KCNJ1: variants seen among roughly 807,000 people sequenced by gnomAD.
KCNJ1 encodes the protein potassium inwardly rectifying channel subfamily J member 1, also known as ATP-sensitive inward rectifier potassium channel 1.
KCNJ1 carries 24 observed loss-of-function variants against 21.9 expected under a neutral mutation model. The ratio of observed to expected loss-of-function variants is 1.10; its 90% CI spans 0.79 to 1.54. The LOEUF (loss-of-function observed/expected upper bound fraction) is 1.54. Among genes scored for constraint, KCNJ1 ranks in the 40% most tolerant of loss-of-function variants. The pLI is 0.00. For missense variants in KCNJ1, 457 were observed against 455.4 expected (o/e 1.00, Z -0.03); for synonymous variants, 152 against 160.9 (o/e 0.94, Z 0.42).
intron 1 of KCNJ1, among the ~76,000 whole-genome samples, chr11:128,859,973 G>T (rs762498195): frequency 3.9e-5 from 6 of 152,222 alleles, no homozygotes; most frequent in African/African-American, 1.4e-4. Context: ...GAGGAGGCGC[G>T]GCAAGGCCCA....
chr11:128,862,813 C>A (rs1304103642), intron 1 of KCNJ1, among the ~76,000 whole-genome samples: 1 of 152,228 alleles, frequency 6.6e-6, no homozygotes, highest in South Asian at 2.1e-4. Flanking sequence ...TCCAACACTT[C>A]CCTTAACAGC....
At chr11:128,848,116 G>A (rs1157550203) in intron 2 of KCNJ1, among the ~76,000 whole-genome samples, 4 of 151,806 alleles carry the variant, frequency 2.6e-5, no homozygotes, top group East Asian at 1.9e-4. Context: ...GTGAAACTCC[G>A]TCTCTACTAA....
intron 2 of KCNJ1, among the ~76,000 whole-genome samples, chr11:128,843,703 C>T (rs1943329321): frequency 6.6e-6 from 1 of 152,158 alleles, no homozygotes. Flanking sequence ...AGCTGGGGAT[C>T]CACCCTTTCT....
At chr11:128,846,410 AG>A (rs1591409876) in intron 2 of KCNJ1, among the ~76,000 whole-genome samples, 2 of 152,238 alleles carry the variant, frequency 1.3e-5, no homozygotes, top group East Asian at 3.9e-4. Context: ...CAGTTTAATC[AG>A]GGGTCACTGG....
chr11:128,858,719 T>C (rs1943640525), intron 1 of KCNJ1, among the ~76,000 whole-genome samples: 1 of 152,214 alleles, frequency 6.6e-6, no homozygotes, highest in African/African-American at 2.4e-5. Context: ...CTCTGTGACA[T>C]AGACAGCATT....
chr11:128,840,476 G>A (rs1274704368), intron 2 of KCNJ1, among the ~76,000 whole-genome samples: 3 of 152,000 alleles, frequency 2.0e-5, no homozygotes, highest in Non-Finnish European at 4.4e-5. Flanking sequence ...AACATAAAGA[G>A]GCAAAATAAT....
chr11:128,852,725 C>T (rs1943498089), intron 1 of KCNJ1, among the ~76,000 whole-genome samples: 1 of 152,260 alleles, frequency 6.6e-6, no homozygotes, highest in African/African-American at 2.4e-5. Context: ...CCCAGGAGCC[C>T]TCTCAGAACA....
At chr11:128,853,630 T>A (rs1273726562) in intron 1 of KCNJ1, among the ~76,000 whole-genome samples, 1 of 152,222 alleles carries the variant, frequency 6.6e-6, no homozygotes, top group Non-Finnish European at 1.5e-5. Flanking sequence ...CTTACACACT[T>A]CAAATTAGTG....
chr11:128,853,886 G>A lies in KCNJ1; in HGVS notation c.-191-2996C>T, dbSNP rs986315391. Among the ~76,000 whole-genome samples the A allele has an allele frequency of 4.6e-5, 7 of 152,314 alleles. No individual in the cohort carries two copies. In the South Asian group the frequency reaches 6.2e-4, roughly 14 times the overall value. ...TCTCTGCCACAAGAGCTTGGAGTACGGAAAGTATTATTCTGCTCACCCTCA... is the reference window on the plus strand; with the variant it reads ...TCTCTGCCACAAGAGCTTGGAGTACAGAAAGTATTATTCTGCTCACCCTCA... On this transcript the variant is annotated intron_variant, in intron 1 of 2. Transcript: ENST00000392666.
chr11:128,847,045 C>G (rs1385210954), intron 2 of KCNJ1, among the ~76,000 whole-genome samples: 1 of 152,152 alleles, frequency 6.6e-6, no homozygotes, highest in Non-Finnish European at 1.5e-5. Flanking sequence ...TTCCCCAGAA[C>G]AGCTTTAGTC....
In KCNJ1 at chr11:128,838,886, G is replaced by A. The variant is rs1943214284; in HGVS notation, c.*239C>T. ...AATAATCATATTTAAGATTTCAAGA[G>A]AGCACCTATGTCTTCCATACACCAG... On this transcript the variant is annotated 3_prime_UTR_variant, in exon 3 of 3. Transcript: ENST00000392666. The A allele has an allele frequency of 1.8e-6, 1 of 548,406 alleles. No individual in the cohort carries two copies. Among genetic ancestry groups the A allele is most frequent in the Non-Finnish European group, 3.2e-6 (1 of 309,286 alleles). 34.0% of individuals were successfully genotyped at this position (548,406 alleles called of 1,614,324 possible).
intron 1 of KCNJ1, among the ~76,000 whole-genome samples, chr11:128,863,998 CTTTGACCTTAAGGTAACTTAAGG>C (rs761072071): frequency 1.2e-4 from 18 of 151,506 alleles, no homozygotes; most frequent in African/African-American, 3.1e-4. Context: ...AAGGAACAAC[CTTTGACCTTAAGGTAACTTAAGG>C]TTTGACCTTA....
At chr11:128,844,712 C>G (rs1943348463) in intron 2 of KCNJ1, among the ~76,000 whole-genome samples, 1 of 152,158 alleles carries the variant, frequency 6.6e-6, no homozygotes, top group African/African-American at 2.4e-5. Context: ...TTTGGGATTT[C>G]TTACAGCACT....
chr11:128,839,145 T>A lies in KCNJ1; in HGVS notation c.1099A>T (p.Thr367Ser). 6.2e-7 allele frequency: 1 copy of A among 1,614,002 alleles called. No individual in the cohort carries two copies. Residue 367 changes from threonine to serine, a missense_variant, in exon 3 of 3, where the codon ACA becomes TCA. Thr to Ser is a moderately conservative substitution (Grantham distance 58, BLOSUM62 1). Coordinates refer to ENST00000392666, the MANE Select transcript of KCNJ1 (RefSeq NM_153766.3). ...PNFILSEVNE[T>S]DDTKM ...CACTGTTACATTTTGGTGTCATCTG[T>A]TTCATTGACTTCTGACAAGATGAAG...
chr11:128,845,024 G>A (rs1943355016), intron 2 of KCNJ1, among the ~76,000 whole-genome samples: 2 of 152,176 alleles, frequency 1.3e-5, no homozygotes, highest in South Asian at 4.1e-4. Context: ...CTTTCTAACC[G>A]TGATGGAGAA....
At chr11:128,860,146 C>A (rs1325600445) in intron 1 of KCNJ1, among the ~76,000 whole-genome samples, 1 of 152,270 alleles carries the variant, frequency 6.6e-6, no homozygotes, top group Non-Finnish European at 1.5e-5. Flanking sequence ...GATTTCTCAT[C>A]TGTCAGATGA....
chr11:128,848,898 C>T (rs1194039345), intron 2 of KCNJ1, among the ~76,000 whole-genome samples: 1 of 152,178 alleles, frequency 6.6e-6, no homozygotes, highest in Non-Finnish European at 1.5e-5. Context: ...AAGGCTGGGG[C>T]TGATAACAGT....
chr11:128,847,685 C>T lies in KCNJ1; in HGVS notation c.-22+3036G>A, dbSNP rs141729556. On this transcript the variant is annotated intron_variant, in intron 2 of 2. Transcript: ENST00000392666. ...ACCTTGATTGGGTCCCAGTGGGAAG[C>T]GCTGGAAGCTGTGATGTCCCCACCA... 8.3e-4 allele frequency among the ~76,000 whole-genome samples: 126 copies of T among 152,296 alleles called. 1 individual carries two copies. The Middle Eastern group carries it at 0.017, about 21-fold the overall frequency.
intron 2 of KCNJ1, among the ~76,000 whole-genome samples, chr11:128,842,775 TA>T (rs1425334602): frequency 6.6e-6 from 1 of 152,212 alleles, no homozygotes; most frequent in African/African-American, 2.4e-5. Context: ...TTGTTTCTCC[TA>T]AAAGTTGTGC....
Sources: allele counts gnomAD v4.1 joint callset (sites outside exome capture counted in the v4.1 genomes callset), GRCh38; gene constraint gnomAD v4.1.1; transcripts MANE v1.5; gene names NCBI Gene and HGNC (gene_info 2026-07-23, HGNC 2026-07-21).